TRIM25: variants seen among roughly 807,000 people sequenced by gnomAD.
TRIM25 encodes the protein E3 ubiquitin/ISG15 ligase TRIM25.
A neutral mutation model predicts 65.2 loss-of-function variants in TRIM25; 45 were observed. The observed-to-expected ratio is 0.69, with a 90% CI of 0.54 to 0.89. The LOEUF is 0.89. Among genes scored for constraint, TRIM25 ranks in the 40% least tolerant of loss-of-function variants. The pLI, the probability that TRIM25 is intolerant of heterozygous loss-of-function variation, is 0.00. For synonymous variants in TRIM25, 321 were observed against 340.4 expected, an observed-to-expected ratio of 0.94 and a Z score of 0.63; for missense variants, 714 against 803.7, an observed-to-expected ratio of 0.89 and a Z score of 1.35.
Position 56,895,565 on chromosome 17 carries a change from C to G in TRIM25, c.1220G>C (p.Gly407Ala). 8.8e-6 allele frequency: 14 copies of G among 1,582,384 alleles called. No homozygotes were observed. Among genetic ancestry groups the G allele is most frequent in the Non-Finnish European group, 1.2e-5 (14 of 1,161,856 alleles). ...PALPSKLPTF[G>A]APEQLVDLKQ... The stretch of plus-strand genomic sequence containing the variant: ...TAAATCCACTAACTGTTCCGGGGCT[C>G]CAAACGTGGGAAGCTTGCTGGGTAA... Residue 407 changes from glycine (G) to alanine (A), a missense_variant, in exon 7 of 9, where the codon GGA becomes GCA. This residue lies in a region of TRIM25 where 413 missense variants were observed against 498.2 expected (regional missense o/e 0.83). Transcript: ENST00000316881.
chr17:56,906,587 G>A (rs934150013), intron 2 of TRIM25, among the ~76,000 whole-genome samples: 4 of 151,834 alleles, frequency 2.6e-5, no homozygotes, highest in South Asian at 2.1e-4. Context: ...TCTGCCTCCC[G>A]GGTTCAAGTA....
intron 5 of TRIM25, 141 bp downstream of exon 5, chr17:56,898,973 CG>C: frequency 1.2e-6 from 1 of 847,296 alleles, no homozygotes; most frequent in Non-Finnish European, 1.9e-6. Flanking sequence ...TACAGCCCCC[CG>C]CAGTGGGGAC....
intron 1 of TRIM25, among the ~76,000 whole-genome samples, chr17:56,911,510 G>A (rs1909627753): frequency 6.6e-6 from 1 of 151,566 alleles, no homozygotes; most frequent in South Asian, 2.1e-4. Context: ...AACTCGGGAG[G>A]TGGAGGTTGC....
At chr17:56,908,726 T>C in intron 1 of TRIM25, 163 bp from the exon 2 acceptor site, 1 of 664,014 alleles carries the variant, frequency 1.5e-6, no homozygotes, top group Non-Finnish European at 2.7e-6. Context: ...TTGGAGCTTT[T>C]TGAAGCATTC....
In TRIM25 at chr17:56,904,226, AC is replaced by A. The variant is rs779815712; in HGVS notation, c.927+28del. The A allele has an allele frequency of 8.0e-5, 124 of 1,550,744 alleles. 1 individual carries two copies. Among genetic ancestry groups the A allele is most frequent in the Admixed American group, 5.8e-4 (31 of 53,212 alleles). On this transcript the variant is annotated intron_variant, in intron 3 of 8. Transcript: ENST00000316881. ...GACATCAGGCAAAAAAAAAAAAAAA[AC>A]ATTCAACAATGCCTTGTGGCGACCT...
chr17:56,891,905 T>C lies in TRIM25; in HGVS notation c.1688A>G (p.Asn563Ser), dbSNP rs1479241669. ...GGAGGGCAGGGTTTTCTCCACGTTA[T>C]TGTGCCAGGCAGAGATCTTGGTGTT... ...WFNTKISAWH[N>S]NVEKTLPSTK... The change falls in exon 9 of 9, where the codon AAT becomes AGT. Residue 563 changes from asparagine (N) to serine (S), a missense_variant. By Grantham distance (46) the Asn-to-Ser change is conservative (BLOSUM62 1). Coordinates refer to ENST00000316881, the MANE Select transcript of TRIM25 (RefSeq NM_005082.5). 5 of 1,614,216 alleles carry C rather than the reference T, an allele frequency of 3.1e-6. No homozygotes were observed. The South Asian group carries it at 4.4e-5, about 14-fold the overall frequency.
At chr17:56,908,594 C>T (rs1191265358) in intron 1 of TRIM25, 31 bp from the exon 2 acceptor site, 2 of 1,595,564 alleles carry the variant, frequency 1.3e-6, no homozygotes, top group Admixed American at 1.7e-5. Context: ...GTTGAGAATG[C>T]ACCTCTTCAG....
At chr17:56,893,295 A>G (rs1909220793) in intron 8 of TRIM25, among the ~76,000 whole-genome samples, 1 of 152,246 alleles carries the variant, frequency 6.6e-6, no homozygotes, top group East Asian at 1.9e-4. Context: ...GGCAAAATGA[A>G]TAAGCTGGGG....
At chr17:56,904,619 G>A (rs1165042627) in intron 2 of TRIM25, 131 bp from the exon 3 acceptor site, 20 of 770,558 alleles carry the variant, frequency 2.6e-5, no homozygotes, top group South Asian at 1.7e-4. Context: ...ACCACTGTGG[G>A]GAGCAACTTG....
chr17:56,909,112 A>G (rs1426047048), intron 1 of TRIM25, among the ~76,000 whole-genome samples: 3 of 152,142 alleles, frequency 2.0e-5, no homozygotes, highest in Admixed American at 2.0e-4. Flanking sequence ...CAATCCTCCC[A>G]CTGCAAACAG....
chr17:56,891,550 TCCC>T lies in TRIM25; in HGVS notation c.*147_*149del. 3.5e-6 allele frequency: 2 copies of T among 572,756 alleles called. No individual in the cohort carries two copies. The highest frequency in any genetic ancestry group is 6.9e-5 in the East Asian group (2 of 28,976). 35.5% of individuals were successfully genotyped at this position (572,756 alleles called of 1,614,324 possible). A position where few individuals can be genotyped will look rare whatever the true frequency, so the allele number is the denominator to read the frequency against. On this transcript the variant is annotated 3_prime_UTR_variant, in exon 9 of 9. Transcript: ENST00000316881. The stretch of plus-strand genomic sequence containing the variant: ...CACTCTCACCCCTTTCCTGGCTAAA[TCCC>T]ACCTCCCACCCTCCCGCCAGCTCCC...
intron 4 of TRIM25, 108 bp downstream of exon 4, chr17:56,901,311 G>A (rs374548150): frequency 7.8e-7 from 1 of 1,276,048 alleles, no homozygotes; most frequent in South Asian, 1.5e-5. Context: ...CTGAAACTCA[G>A]GCCCCAGTGC....
intron 4 of TRIM25, among the ~76,000 whole-genome samples, chr17:56,899,396 G>A (rs547796496): frequency 6.6e-6 from 1 of 152,286 alleles, no homozygotes; most frequent in South Asian, 2.1e-4. Flanking sequence ...ATGTAGCAAG[G>A]GCCAAGTCTT....
Position 56,890,688 on chromosome 17 carries a change from C to T in TRIM25, c.*1012G>A. 4.4e-6 allele frequency: 2 copies of T among 456,562 alleles called. No homozygotes were observed. The highest frequency in any genetic ancestry group is 8.8e-6 in the Non-Finnish European group (2 of 226,934). The allele number at this position is 456,562 out of a possible 1,614,324, so 28.3% of individuals were successfully genotyped here. A position where few individuals can be genotyped will look rare whatever the true frequency, so the allele number is the denominator to read the frequency against. ...CTTGACTGTGCTAGCCTCGGTGGTA[C>T]CTGCACTGTCATTCCATATGTCACA... On this transcript the variant is annotated 3_prime_UTR_variant, in exon 9 of 9. Transcript: ENST00000316881.
intron 1 of TRIM25, chr17:56,912,007 T>C (rs1408615673): frequency 6.6e-6 from 1 of 151,678 alleles, no homozygotes; most frequent in Non-Finnish European, 1.5e-5. Context: ...TTCAAGAACA[T>C]CCTAGGCAAC....
intron 4 of TRIM25, among the ~76,000 whole-genome samples, chr17:56,900,202 A>G (rs1469201716): frequency 2.0e-5 from 3 of 150,572 alleles, no homozygotes; most frequent in Non-Finnish European, 4.4e-5. Flanking sequence ...TGACAGAGCG[A>G]GACTCCGTCT....
intron 5 of TRIM25, 82 bp from the exon 6 acceptor site, chr17:56,896,034 G>C: frequency 7.1e-7 from 1 of 1,401,146 alleles, no homozygotes; most frequent in South Asian, 1.3e-5. Context: ...TCATGTGCAT[G>C]AATTTGACCC....
At position 56,891,675 on chromosome 17, in the gene TRIM25, G is replaced by C; in HGVS notation, c.*25C>G. On this transcript the variant is annotated 3_prime_UTR_variant, in exon 9 of 9. Transcript: ENST00000316881. ...TAGGGTCTTGGGACTTCTGCAGGCAGTCAGCCCAAGTGCCTACAGCCTGCC... is the reference window on the plus strand; with the variant it reads ...TAGGGTCTTGGGACTTCTGCAGGCACTCAGCCCAAGTGCCTACAGCCTGCC... The C allele has an allele frequency of 1.3e-6, 2 of 1,597,784 alleles. No individual in the cohort carries two copies. The highest frequency in any genetic ancestry group is 2.2e-5 in the East Asian group (1 of 44,666).
In TRIM25 at chr17:56,889,903, T is replaced by C; in HGVS notation, c.*1797A>G. The C allele has an allele frequency of 2.5e-6, 1 of 398,890 alleles. No homozygotes were observed. The highest frequency in any genetic ancestry group is 1.3e-4 in the South Asian group (1 of 7,852). 24.7% of individuals were successfully genotyped at this position (398,890 alleles called of 1,614,324 possible). ...AAACTTCTAAGGACCACATATCACC[T>C]ATTGCAGGGATGTCTTTCCTACAAA... On this transcript the variant is annotated 3_prime_UTR_variant, in exon 9 of 9. Coordinates refer to ENST00000316881, the MANE Select transcript of TRIM25 (RefSeq NM_005082.5).
Sources: gnomAD v4.1 joint callset for allele counts (sites outside exome capture counted in the v4.1 genomes callset) on GRCh38, gnomAD v4.1.1 for gene constraint, gnomAD v4.1.1 regional missense constraint, MANE v1.5 for transcripts, NCBI Gene and HGNC (gene_info 2026-07-23, HGNC 2026-07-21) for gene names.